PLXNA4: variants seen among roughly 807,000 people sequenced by gnomAD.
PLXNA4 encodes the protein plexin A4.
In PLXNA4, 44 loss-of-function variants were observed where a neutral mutation model predicts 191.8. The ratio of observed to expected loss-of-function variants is 0.23; its 90% CI spans 0.18 to 0.29. The LOEUF is 0.29. Ranked by LOEUF, PLXNA4 falls within the 10% of genes least tolerant of loss-of-function variation. PLXNA4 has a pLI of 1.00. For missense variants in PLXNA4, 1,800 were observed against 2,488.8 expected (o/e 0.72, Z 5.89); for synonymous variants, 1,082 against 1,009.5 (o/e 1.07, Z -1.36).
At chr7:132,261,857 A>C (rs895640234) in intron 4 of PLXNA4, among the ~76,000 whole-genome samples, 12 of 152,174 alleles carry the variant, frequency 7.9e-5, no homozygotes, top group African/African-American at 2.7e-4. Context: ...CAACCTACAC[A>C]ACAGTATACT....
chr7:132,511,553 G>A (rs995854662), intron 1 of PLXNA4, among the ~76,000 whole-genome samples: 5 of 152,194 alleles, frequency 3.3e-5, no homozygotes, highest in African/African-American at 4.8e-5. Flanking sequence ...AGATAACACC[G>A]ATCAGGTGAG....
chr7:132,517,710 T>C (rs1193873034), intron 1 of PLXNA4, among the ~76,000 whole-genome samples: 1 of 152,112 alleles, frequency 6.6e-6, no homozygotes, highest in African/African-American at 2.4e-5. Flanking sequence ...AGCCCAGAGA[T>C]AGAGGAGATG....
chr7:132,622,109 T>C (rs1301129875), intron 2 of PLXNA4, among the ~76,000 whole-genome samples: 2 of 152,078 alleles, frequency 1.3e-5, no homozygotes, highest in Non-Finnish European at 2.9e-5. Flanking sequence ...GTAAATGGAG[T>C]GATGTGTACC....
Position 132,140,818 on chromosome 7 carries a change from G to A in PLXNA4, c.5226-7C>T, listed in dbSNP as rs1795246690. 1.2e-6 allele frequency: 2 copies of A among 1,613,876 alleles called. No homozygotes were observed. Among genetic ancestry groups the A allele is most frequent in the Non-Finnish European group, 1.7e-6 (2 of 1,179,872 alleles). On this transcript the variant is annotated splice_polypyrimidine_tract_variant and splice_region_variant and intron_variant, in intron 29 of 31. Coordinates refer to ENST00000321063, the MANE Select transcript of PLXNA4 (RefSeq NM_020911.2). ...CCAAAACCTCAGGGGCAGGCTGCGT[G>A]GAAGGAAGAGGCAGATGGTCAGGAA... is the stretch of plus-strand genomic sequence containing the variant.
At chr7:132,249,435 T>C (rs1215726413) in intron 4 of PLXNA4, among the ~76,000 whole-genome samples, 1 of 152,198 alleles carries the variant, frequency 6.6e-6, no homozygotes, top group African/African-American at 2.4e-5. Flanking sequence ...ATGTTGGTCC[T>C]CATTAGCAAA....
intron 14 of PLXNA4, among the ~76,000 whole-genome samples, chr7:132,188,997 AGAGAGAGAGAGAGAGAG>A (rs1796985403): frequency 1.1e-4 from 5 of 45,770 alleles, no homozygotes; most frequent in Non-Finnish European, 1.6e-4. Context: ...AGGAAAGGAG[AGAGAGAGAGAGAGAGAG>A]AGAGAGAGAG....
At chr7:132,182,050 C>T (rs374463201) in intron 17 of PLXNA4, 47 bp downstream of exon 17, 77 of 1,613,586 alleles carry the variant, frequency 4.8e-5, no homozygotes, top group Middle Eastern at 3.3e-4. Context: ...GGGGAAGCAA[C>T]GTGTTGCATG....
chr7:132,617,117 G>A (rs1379349388), intron 2 of PLXNA4, among the ~76,000 whole-genome samples: 1 of 152,166 alleles, frequency 6.6e-6, no homozygotes, highest in Non-Finnish European at 1.5e-5. Flanking sequence ...CGTTACATCA[G>A]CACAACCTAG....
At chr7:132,273,881 A>C (rs1800172072) in intron 4 of PLXNA4, among the ~76,000 whole-genome samples, 1 of 152,164 alleles carries the variant, frequency 6.6e-6, no homozygotes, top group African/African-American at 2.4e-5. Flanking sequence ...CTCATGTAAA[A>C]ACCTGGGTGA....
intron 2 of PLXNA4, among the ~76,000 whole-genome samples, chr7:132,593,311 GA>G (rs11285211): frequency 0.83 from 125,790 of 151,196 alleles, 52,578 homozygotes; most frequent in South Asian, 0.91. Context: ...TCTCACTTAG[GA>G]AAAAAAAAAA....
intron 1 of PLXNA4, among the ~76,000 whole-genome samples, chr7:132,521,747 A>G (rs1031475614): frequency 6.6e-6 from 1 of 152,136 alleles, no homozygotes. Context: ...CGGGGACTCC[A>G]TCCTCTCAGG....
At chr7:132,569,730 C>T (rs1010647389) in intron 1 of PLXNA4, among the ~76,000 whole-genome samples, 16 of 152,162 alleles carry the variant, frequency 1.1e-4, no homozygotes, top group Non-Finnish European at 2.4e-4. Context: ...ATCTAGGAAC[C>T]TAAGAAAATG....
intron 12 of PLXNA4, among the ~76,000 whole-genome samples, 156 bp from the exon 13 acceptor site, chr7:132,198,792 T>C (rs1290303649): frequency 6.6e-6 from 1 of 152,136 alleles, no homozygotes; most frequent in Non-Finnish European, 1.5e-5. Context: ...CGGTAATCAA[T>C]GGGTAGTAGC....
intron 3 of PLXNA4, among the ~76,000 whole-genome samples, chr7:132,364,157 G>T (rs1804060515): frequency 6.6e-6 from 1 of 152,226 alleles, no homozygotes; most frequent in African/African-American, 2.4e-5. Flanking sequence ...CGTGGGAAAG[G>T]CGGGGCTGGG....
intron 1 of PLXNA4, among the ~76,000 whole-genome samples, chr7:132,563,803 CT>C (rs1801527354): frequency 1.1e-4 from 11 of 95,708 alleles, no homozygotes; most frequent in Admixed American, 2.1e-4. Context: ...TCTCCTCCTC[CT>C]TCTCCTCCTC....
In PLXNA4 at chr7:132,310,453, A is replaced by G. The variant is rs553409640; in HGVS notation, c.1372-12231T>C. On this transcript the variant is annotated intron_variant, in intron 3 of 31. Transcript: ENST00000321063. ...AGATGTGTAGTAAATTGACAAATGA[A>G]CACATGAGTCCCATTAACATTGGAA... Among the ~76,000 whole-genome samples the G allele has an allele frequency of 2.6e-5, 4 of 152,338 alleles. No individual in the cohort carries two copies. The South Asian group carries it at 8.3e-4, about 32-fold the overall frequency.
At chr7:132,364,943 C>T (rs1585039592) in intron 3 of PLXNA4, among the ~76,000 whole-genome samples, 1 of 152,286 alleles carries the variant, frequency 6.6e-6, no homozygotes, top group East Asian at 1.9e-4. Flanking sequence ...GAGCCTGGCA[C>T]CTAAAAGCAC....
chr7:132,458,719 C>T (rs1236829350), intron 3 of PLXNA4, among the ~76,000 whole-genome samples: 1 of 151,936 alleles, frequency 6.6e-6, no homozygotes, highest in Non-Finnish European at 1.5e-5. Context: ...GGTTTCAGTA[C>T]AGGCAACATG....
At chr7:132,237,390 T>C (rs1798736836) in intron 5 of PLXNA4, among the ~76,000 whole-genome samples, 1 of 152,186 alleles carries the variant, frequency 6.6e-6, no homozygotes, top group African/African-American at 2.4e-5. Flanking sequence ...TTTTTAGCTT[T>C]TAGAGGCACT....
Sources: gnomAD v4.1 joint callset for allele counts (sites outside exome capture counted in the v4.1 genomes callset) on GRCh38, gnomAD v4.1.1 for gene constraint, MANE v1.5 for transcripts, NCBI Gene and HGNC (gene_info 2026-07-23, HGNC 2026-07-21) for gene names.